SLC25A18: variants seen among roughly 807,000 people sequenced by gnomAD.
SLC25A18 encodes mitochondrial glutamate carrier 2.
Under a neutral mutation model 31.1 loss-of-function variants are expected in SLC25A18, and 24 were observed. The observed-to-expected ratio is 0.77, with a 90% CI of 0.56 to 1.08. The LOEUF is 1.08. SLC25A18 is among the 50% of genes least tolerant of loss of function. The probability of loss-of-function intolerance (pLI) is 0.00; values close to 1 mark genes in which losing one functional copy is unlikely to be tolerated. For synonymous variants in SLC25A18, 173 were observed against 161.9 expected, an observed-to-expected ratio of 1.07 and a Z score of -0.52; for missense variants, 371 against 418.5, an observed-to-expected ratio of 0.89 and a Z score of 0.99.
intron 7 of SLC25A18, among the ~76,000 whole-genome samples, chr22:17,584,694 C>A (rs1168843100): frequency 1.4e-5 from 2 of 141,390 alleles, no homozygotes; most frequent in Non-Finnish European, 3.0e-5. Flanking sequence ...GCAGGAGAAT[C>A]GCTTGAACAC....
chr22:17,570,793 C>G (rs116521084), intron 2 of SLC25A18, among the ~76,000 whole-genome samples: 2,375 of 152,162 alleles, frequency 0.016, 74 homozygotes, highest in African/African-American at 0.055. Flanking sequence ...GCCTCAAGAC[C>G]GTCTTAACTC....
At chr22:17,570,705 C>T (rs977615373) in intron 2 of SLC25A18, among the ~76,000 whole-genome samples, 2 of 152,082 alleles carry the variant, frequency 1.3e-5, no homozygotes, top group African/African-American at 4.8e-5. Flanking sequence ...AGGCTGGTCT[C>T]GAACTCCTAA....
At chr22:17,584,920 G>GT in intron 7 of SLC25A18, among the ~76,000 whole-genome samples, 1 of 149,526 alleles carries the variant, frequency 6.7e-6, no homozygotes, top group South Asian at 2.2e-4. Flanking sequence ...CCATTCTTTT[G>GT]TTTTTTTCTT....
chr22:17,581,173 G>A lies in SLC25A18; in HGVS notation c.143+14G>A. ...GTACAAAGGAATGTAGGTGCTGGCA[G>A]GCGAGCGTGGAGGGCAGAGGCGCCC... On this transcript the variant is annotated intron_variant, in intron 4 of 10. Transcript: ENST00000327451. 1 of 1,584,668 alleles carries A rather than the reference G, an allele frequency of 6.3e-7. No individual in the cohort carries two copies. The highest frequency in any genetic ancestry group is 2.3e-5 in the East Asian group (1 of 44,228).
At chr22:17,576,333 G>A (rs1176232185) in intron 2 of SLC25A18, among the ~76,000 whole-genome samples, 1 of 150,762 alleles carries the variant, frequency 6.6e-6, no homozygotes, top group African/African-American at 2.4e-5. Flanking sequence ...CAGCCTGGAC[G>A]ACAGAGTGAG....
intron 7 of SLC25A18, among the ~76,000 whole-genome samples, chr22:17,584,422 A>AGAAAGAAAGAAAGAAAGGAAGGAAG (rs201926051): frequency 3.0e-5 from 4 of 134,066 alleles, no homozygotes; most frequent in Non-Finnish European, 6.2e-5. Context: ...AAAGAAAGAA[A>AGAAAGAAAGAAAGAAAGGAAGGAAG]GAAGGAAGGA....
chr22:17,582,803 G>A, intron 6 of SLC25A18, 150 bp downstream of exon 6: 2 of 685,728 alleles, frequency 2.9e-6, no homozygotes, highest in Admixed American at 2.6e-5. Context: ...TGTTTGGGCT[G>A]CTGGAGAGTG....
chr22:17,580,151 T>C (rs749138641), intron 3 of SLC25A18, 187 bp downstream of exon 3: 28 of 534,662 alleles, frequency 5.2e-5, no homozygotes, highest in Non-Finnish European at 8.5e-5. Context: ...TCTGTGCACA[T>C]ATATGTTATT....
chr22:17,580,514 G>A (rs2057343883), intron 3 of SLC25A18: 12 of 988,694 alleles, frequency 1.2e-5, no homozygotes, highest in Non-Finnish European at 1.4e-5. Flanking sequence ...TTCACTGTGG[G>A]AAGTGCCTGC....
rs2057327174 is a variant in SLC25A18, at chr22:17,579,903, G to A, written c.-42G>A. The A allele has an allele frequency of 3.1e-6, 5 of 1,602,102 alleles. No homozygotes were observed. The highest frequency in any genetic ancestry group is 4.3e-6 in the Non-Finnish European group (5 of 1,174,974). On this transcript the variant is annotated 5_prime_UTR_variant, in exon 3 of 11. Transcript: ENST00000327451. ...CAGCCCCAACAGCGGCTACCCCAAG[G>A]AGCCAGCAGCCTTGTGTCCTGGGAT...
At chr22:17,572,764 C>T (rs111635106) in intron 2 of SLC25A18, among the ~76,000 whole-genome samples, 44,213 of 142,752 alleles carry the variant, frequency 0.31, 6,970 homozygotes, top group South Asian at 0.38. Flanking sequence ...GCCTCAGCCT[C>T]CCGAGTAGCT....
At chr22:17,581,894 C>G (rs1239690082) in intron 5 of SLC25A18, 1 of 164,342 alleles carries the variant, frequency 6.1e-6, no homozygotes. Context: ...CCCTAGACAG[C>G]CCCGAGCTAG....
intron 2 of SLC25A18, among the ~76,000 whole-genome samples, chr22:17,575,375 T>A (rs1177113162): frequency 6.6e-6 from 1 of 152,202 alleles, no homozygotes; most frequent in Non-Finnish European, 1.5e-5. Context: ...AGACCCTTTT[T>A]GTGGTCAAGG....
At chr22:17,579,612 G>C (rs1299457879) in intron 2 of SLC25A18, 133 bp from the exon 3 acceptor site, 2 of 594,758 alleles carry the variant, frequency 3.4e-6, no homozygotes, top group African/African-American at 3.8e-5. Flanking sequence ...AAAGTTCGAG[G>C]ATTCTGATTT....
chr22:17,575,061 A>G lies in SLC25A18; in HGVS notation c.-200-4684A>G, dbSNP rs189636102. ...GAGACCGGGTTTCACCACATTGGCCAGGCTAGTCTCAAACTCGTGACCTCA... is the reference window on the plus strand; with the variant it reads ...GAGACCGGGTTTCACCACATTGGCCGGGCTAGTCTCAAACTCGTGACCTCA... On this transcript the variant is annotated intron_variant, in intron 2 of 10. Transcript: ENST00000327451. 3.5e-3 allele frequency among the ~76,000 whole-genome samples: 526 copies of G among 151,754 alleles called. 2 individuals carry two copies. Among genetic ancestry groups the G allele is most frequent in the Middle Eastern group, 0.028 (8 of 290 alleles).
intron 1 of SLC25A18, among the ~76,000 whole-genome samples, chr22:17,567,026 T>C (rs2056954603): frequency 6.6e-6 from 1 of 152,138 alleles, no homozygotes; most frequent in Non-Finnish European, 1.5e-5. Flanking sequence ...TAGCCAGGCA[T>C]AGTGGCATGC....
intron 1 of SLC25A18, among the ~76,000 whole-genome samples, chr22:17,567,210 G>A (rs745406427): frequency 6.6e-6 from 1 of 152,160 alleles, no homozygotes; most frequent in Non-Finnish European, 1.5e-5. Context: ...TACCTTTTAT[G>A]TGCCAGGCAC....
rs746508662 is a variant in SLC25A18, at chr22:17,589,638, T to C, written c.779T>C (p.Met260Thr). 2.5e-6 allele frequency: 4 copies of C among 1,613,980 alleles called. No homozygotes were observed. Among genetic ancestry groups the C allele is most frequent in the Admixed American group, 3.3e-5 (2 of 59,988 alleles). Reference sequence around the variant, plus strand: ...CTCAAGAAAGGCCTGGGCGAGGACATGTACAGTGGGATCACCGACTGTGCC... The same window carrying C: ...CTCAAGAAAGGCCTGGGCGAGGACACGTACAGTGGGATCACCGACTGTGCC... ...QTLKKGLGED[M>T]YSGITDCARK... Residue 260 changes from methionine to threonine, a missense_variant, in exon 10 of 11, where the codon ATG (methionine) becomes ACG (threonine). By Grantham distance (81) the Met-to-Thr change is moderately conservative. Coordinates refer to ENST00000327451, the MANE Select transcript of SLC25A18 (RefSeq NM_031481.3).
At chr22:17,567,592 G>A (rs1255022373) in intron 1 of SLC25A18, among the ~76,000 whole-genome samples, 1 of 151,274 alleles carries the variant, frequency 6.6e-6, no homozygotes, top group African/African-American at 2.4e-5. Context: ...TAGACCCAAC[G>A]TGGTTTAACA....
Sources: gnomAD v4.1 joint callset for allele counts (sites outside exome capture counted in the v4.1 genomes callset) on GRCh38, gnomAD v4.1.1 for gene constraint, MANE v1.5 for transcripts, NCBI Gene and HGNC (gene_info 2026-07-23, HGNC 2026-07-21) for gene names.